Variants in NGF observed in about 807,000 individuals in gnomAD.
NGF encodes beta-nerve growth factor.
In NGF, 4 loss-of-function variants were observed where a neutral mutation model predicts 12.8. The ratio of observed to expected loss-of-function variants is 0.31; its 90% CI spans 0.15 to 0.72. NGF has a LOEUF of 0.72. Among genes scored for constraint, NGF ranks in the 30% least tolerant of loss-of-function variants. The pLI is 0.69. For missense variants in NGF, 283 were observed against 330.8 expected (o/e 0.86, Z 1.12); for synonymous variants, 140 against 130.0 (o/e 1.08, Z -0.52).
At chr1:115,306,384 A>T (rs1260520043) in intron 1 of NGF, among the ~76,000 whole-genome samples, 1 of 152,250 alleles carries the variant, frequency 6.6e-6, no homozygotes, top group East Asian at 1.9e-4. Flanking sequence ...TCATGCTCTC[A>T]GCAGTGAGTG....
intron 1 of NGF, among the ~76,000 whole-genome samples, chr1:115,313,941 T>A (rs1331419814): frequency 6.6e-6 from 1 of 152,204 alleles, no homozygotes; most frequent in East Asian, 1.9e-4. Context: ...CAACTCAGGC[T>A]GCACCTGAAC....
At position 115,307,202 on chromosome 1, in the gene NGF, T is replaced by C. The variant is rs191566185; in HGVS notation, c.-136-13452A>G. Among the ~76,000 whole-genome samples, 301 of 152,198 alleles carry C rather than the reference T, an allele frequency of 2.0e-3. 1 individual carries two copies. The highest frequency in any genetic ancestry group is 3.8e-3 in the Non-Finnish European group (257 of 68,018). ...CCCTTAGGAAACCTGATGCTATTTG[T>C]AGAGGAAAACTGAAATAGTAGGAAG... is the stretch of plus-strand genomic sequence containing the variant. On this transcript the variant is annotated intron_variant, in intron 1 of 2. Coordinates refer to ENST00000369512, the MANE Select transcript of NGF (RefSeq NM_002506.3).
At chr1:115,331,101 A>G (rs766814541) in intron 1 of NGF, among the ~76,000 whole-genome samples, 10 of 150,718 alleles carry the variant, frequency 6.6e-5, no homozygotes, top group Non-Finnish European at 1.3e-4. Flanking sequence ...GAGGGGGTCC[A>G]CATCGGGAAG....
intron 1 of NGF, among the ~76,000 whole-genome samples, chr1:115,327,154 CG>C (rs1270026811): frequency 6.6e-6 from 1 of 152,102 alleles, no homozygotes; most frequent in Non-Finnish European, 1.5e-5. Context: ...CCAGTATTGC[CG>C]GTCAGAATTC....
intron 1 of NGF, among the ~76,000 whole-genome samples, chr1:115,323,143 C>G (rs1392578332): frequency 1.3e-5 from 2 of 152,110 alleles, no homozygotes; most frequent in African/African-American, 4.8e-5. Context: ...GGACCAGGGC[C>G]AGGCTTTTGC....
In NGF at chr1:115,286,394, C is replaced by T. The variant is rs565841831; in HGVS notation, c.402G>A (p.Ser134=). The T allele has an allele frequency of 3.7e-5, 59 of 1,613,890 alleles. 2 individuals are homozygous for T. The highest frequency in any genetic ancestry group is 2.1e-4 in the South Asian group (19 of 91,052). Residue 134 remains serine, a synonymous_variant, in exon 3 of 3, where the codon TCG becomes TCA. Transcript: ENST00000369512. ...SHPIFHRGEF[S]VCDSVSVWVG... ...CCCACACGCTGACACTGTCACACAC[C>T]GAGAATTCGCCCCTGTGGAAGATGG...
At chr1:115,325,869 G>T (rs964254127) in intron 1 of NGF, among the ~76,000 whole-genome samples, 3 of 152,138 alleles carry the variant, frequency 2.0e-5, no homozygotes, top group Non-Finnish European at 4.4e-5. Flanking sequence ...ATGGTTTCTA[G>T]ATTACTCTGT....
intron 1 of NGF, among the ~76,000 whole-genome samples, chr1:115,334,399 G>A (rs536897194): frequency 6.6e-6 from 1 of 152,222 alleles, no homozygotes; most frequent in African/African-American, 2.4e-5. Flanking sequence ...GTAGGAAGCT[G>A]CCATGCTCTA....
At chr1:115,316,263 A>T (rs1277358324) in intron 1 of NGF, among the ~76,000 whole-genome samples, 1 of 152,112 alleles carries the variant, frequency 6.6e-6, no homozygotes, top group African/African-American at 2.4e-5. Flanking sequence ...CTGCCACACC[A>T]AATTAGCATT....
At chr1:115,327,185 T>C (rs1654801292) in intron 1 of NGF, among the ~76,000 whole-genome samples, 1 of 152,196 alleles carries the variant, frequency 6.6e-6, no homozygotes. Context: ...TTCATAGTCG[T>C]TTAAGAAGTC....
chr1:115,335,660 C>G (rs1039797744), intron 1 of NGF, among the ~76,000 whole-genome samples: 1 of 152,184 alleles, frequency 6.6e-6, no homozygotes, highest in Admixed American at 6.5e-5. Flanking sequence ...TTAAGGCTTG[C>G]TCTAGACTCT....
chr1:115,324,035 C>T (rs956045904), intron 1 of NGF, among the ~76,000 whole-genome samples: 25 of 152,242 alleles, frequency 1.6e-4, no homozygotes, highest in Middle Eastern at 3.4e-3. Context: ...CTGCCCTGCT[C>T]GCTTCATCTC....
intron 1 of NGF, among the ~76,000 whole-genome samples, chr1:115,319,129 G>A (rs1654549969): frequency 6.6e-6 from 1 of 152,214 alleles, no homozygotes; most frequent in Non-Finnish European, 1.5e-5. Flanking sequence ...TCTCCAGCAT[G>A]GGCCAAGAAT....
rs566504324 is a variant in NGF, at chr1:115,337,105, T to C, written c.-137+1099A>G. Among the ~76,000 whole-genome samples the C allele has an allele frequency of 3.9e-4, 60 of 152,174 alleles. 1 individual carries two copies. In the South Asian group the frequency reaches 0.011, roughly 29 times the overall value. The stretch of plus-strand genomic sequence containing the variant: ...TACACTTTAATGCATGAAACACTCA[T>C]AAATTATCCTTCGAACTGTTACAAC... On this transcript the variant is annotated intron_variant, in intron 1 of 2. Transcript: ENST00000369512.
intron 1 of NGF, among the ~76,000 whole-genome samples, chr1:115,336,697 GGGCTGGCAGGGGCCAAT>G (rs925103570): frequency 1.3e-5 from 2 of 152,240 alleles, no homozygotes; most frequent in African/African-American, 4.8e-5. Flanking sequence ...AGGATAAGAA[GGGCTGGCAGGGGCCAAT>G]GGCTGCTGCC....
intron 1 of NGF, among the ~76,000 whole-genome samples, chr1:115,333,693 CT>C (rs1203395146): frequency 3.2e-5 from 2 of 63,088 alleles, no homozygotes; most frequent in African/African-American, 2.4e-4. Flanking sequence ...TTCTTTCTTT[CT>C]TTCTTTCTTT....
intron 2 of NGF, among the ~76,000 whole-genome samples, chr1:115,288,940 C>G (rs575748519): frequency 5.9e-5 from 9 of 152,338 alleles, no homozygotes; most frequent in African/African-American, 2.2e-4. Context: ...TTCTTCTCCT[C>G]CATACTGTGC....
At chr1:115,293,851 G>C (rs543354687) in intron 1 of NGF, 101 bp from the exon 2 acceptor site, 165 of 152,742 alleles carry the variant, frequency 1.1e-3, no homozygotes, top group African/African-American at 4.0e-3. Context: ...CCATTTCCTT[G>C]AGTTCTGGGA....
At chr1:115,302,787 C>T (rs1465575445) in intron 1 of NGF, among the ~76,000 whole-genome samples, 10 of 152,196 alleles carry the variant, frequency 6.6e-5, no homozygotes, top group Non-Finnish European at 1.3e-4. Context: ...AGGCCTGGCT[C>T]CAGCTCTCAC....
Sources: allele counts gnomAD v4.1 joint callset (sites outside exome capture counted in the v4.1 genomes callset), GRCh38; gene constraint gnomAD v4.1.1; transcripts MANE v1.5; gene names NCBI Gene and HGNC (gene_info 2026-07-23, HGNC 2026-07-21).